The following XRN2 variants were observed in gnomAD, a reference collection of about 807,000 sequenced individuals.
XRN2 encodes DHM1-like protein.
In XRN2, 44 loss-of-function variants were observed where a neutral mutation model predicts 138.5. The observed-to-expected ratio is 0.32, with a 90% CI of 0.25 to 0.41. The LOEUF (loss-of-function observed/expected upper bound fraction) is 0.41, where lower values mean the gene tolerates loss of function less well. Among genes scored for constraint, XRN2 ranks in the 10% least tolerant of loss-of-function variants. The pLI is 1.00. For missense variants in XRN2, 937 were observed against 1,169.3 expected, an observed-to-expected ratio of 0.80 and a Z score of 2.90; for synonymous variants, 354 against 369.4, an observed-to-expected ratio of 0.96 and a Z score of 0.48.
chr20:21,337,719 G>T (rs2038315187), intron 13 of XRN2, among the ~76,000 whole-genome samples: 1 of 152,166 alleles, frequency 6.6e-6, no homozygotes, highest in South Asian at 2.1e-4. Context: ...CATCACCAAG[G>T]TTTGATTTTT....
At chr20:21,360,643 T>G in intron 24 of XRN2, among the ~76,000 whole-genome samples, 1 of 152,182 alleles carries the variant, frequency 6.6e-6, no homozygotes, top group Non-Finnish European at 1.5e-5. Context: ...TATAGAATGT[T>G]TTATTCCTTC....
chr20:21,335,654 T>G (rs1442928756), intron 13 of XRN2, among the ~76,000 whole-genome samples: 1 of 152,230 alleles, frequency 6.6e-6, no homozygotes, highest in African/African-American at 2.4e-5. Flanking sequence ...GGAACATTTT[T>G]AACTACTTTT....
chr20:21,360,891 C>CT (rs1343876771), intron 24 of XRN2, among the ~76,000 whole-genome samples: 2 of 152,154 alleles, frequency 1.3e-5, no homozygotes, highest in African/African-American at 4.8e-5. Context: ...CCTATAAACT[C>CT]TTTAAGTGTT....
chr20:21,313,647 C>T (rs529509228), intron 1 of XRN2, among the ~76,000 whole-genome samples: 1 of 152,256 alleles, frequency 6.6e-6, no homozygotes. Context: ...GTTTATGTGT[C>T]CAAGTAAAGG....
chr20:21,322,842 C>T (rs545748227), intron 1 of XRN2, among the ~76,000 whole-genome samples: 3 of 152,296 alleles, frequency 2.0e-5, no homozygotes, highest in East Asian at 3.9e-4. Context: ...CATGAAGTCA[C>T]GAAGGAGCAG....
chr20:21,320,350 A>G (rs2038022188), intron 1 of XRN2, among the ~76,000 whole-genome samples: 1 of 151,552 alleles, frequency 6.6e-6, no homozygotes, highest in South Asian at 2.1e-4. Context: ...CCCAGGCTGG[A>G]GTGCAGTGGC....
chr20:21,313,695 G>A (rs1378823343), intron 1 of XRN2, among the ~76,000 whole-genome samples: 2 of 152,176 alleles, frequency 1.3e-5, no homozygotes, highest in Admixed American at 6.5e-5. Flanking sequence ...GTAATACTGC[G>A]TTGTAGTGTA....
rs1442460563 is a variant in XRN2, at chr20:21,346,544, T to C, written c.1659T>C (p.Tyr553=). The C allele has an allele frequency of 6.2e-7, 1 of 1,613,390 alleles. No homozygotes were observed. Among genetic ancestry groups the C allele is most frequent in the Middle Eastern group, 1.7e-4 (1 of 6,058 alleles). The change falls in exon 17 of 30, where the codon TAT becomes TAC. Residue 553 remains tyrosine (Y), a synonymous_variant. Transcript: ENST00000377191. ...VEGLCWVLRY[Y]YQGCASWKWY... ...GACTTTGCTGGGTTCTTAGATATTATTACCAGGTACAAAAAGAATATTTTC... is the reference window on the plus strand; with the variant it reads ...GACTTTGCTGGGTTCTTAGATATTACTACCAGGTACAAAAAGAATATTTTC...
At chr20:21,376,224 A>G (rs993148534) in intron 27 of XRN2, among the ~76,000 whole-genome samples, 2 of 151,634 alleles carry the variant, frequency 1.3e-5, no homozygotes, top group Non-Finnish European at 2.9e-5. Context: ...GCGTGGTGGT[A>G]TGTGCCTGTA....
chr20:21,373,832 C>T (rs1421550062), intron 27 of XRN2, among the ~76,000 whole-genome samples: 1 of 151,944 alleles, frequency 6.6e-6, no homozygotes, highest in Non-Finnish European at 1.5e-5. Flanking sequence ...GGTTGTCTAT[C>T]TTTTTGTTTT....
At chr20:21,311,248 A>C (rs2037877636) in intron 1 of XRN2, among the ~76,000 whole-genome samples, 2 of 152,228 alleles carry the variant, frequency 1.3e-5, no homozygotes, top group Admixed American at 1.3e-4. Flanking sequence ...CTACCTGTTA[A>C]ACAGTAACTC....
intron 24 of XRN2, among the ~76,000 whole-genome samples, chr20:21,359,633 G>A (rs1425767141): frequency 6.6e-6 from 1 of 152,096 alleles, no homozygotes; most frequent in African/African-American, 2.4e-5. Flanking sequence ...ATTTGCTGAA[G>A]ATTTGTGGGA....
At position 21,333,787 on chromosome 20, in the gene XRN2, C is replaced by T. The variant is rs749426899; in HGVS notation, c.1017C>T (p.Cys339=). 6.2e-7 allele frequency: 1 copy of T among 1,614,100 alleles called. No individual in the cohort carries two copies. The highest frequency in any genetic ancestry group is 1.1e-5 in the South Asian group (1 of 91,078). The change falls in exon 11 of 30, where the codon TGC becomes TGT. Residue 339 remains cysteine, a synonymous_variant. Coordinates refer to ENST00000377191, the MANE Select transcript of XRN2 (RefSeq NM_012255.5). Reference sequence around the variant, plus strand: ...GCATTGATGACTGGGTTTTCATGTGCTTCTTTGTGGGAAATGACTTCCTCC... The same window carrying T: ...GCATTGATGACTGGGTTTTCATGTGTTTCTTTGTGGGAAATGACTTCCTCC... ...ERSIDDWVFM[C]FFVGNDFLPH...
chr20:21,373,394 C>G (rs1469927118), intron 27 of XRN2, among the ~76,000 whole-genome samples: 1 of 152,180 alleles, frequency 6.6e-6, no homozygotes, highest in Non-Finnish European at 1.5e-5. Flanking sequence ...GGGTTGGTTT[C>G]TGGTTTGAGG....
intron 13 of XRN2, among the ~76,000 whole-genome samples, chr20:21,337,834 C>G (rs1163703134): frequency 6.6e-6 from 1 of 152,072 alleles, no homozygotes; most frequent in East Asian, 1.9e-4. Flanking sequence ...AGTGTAGCCT[C>G]CTGGAAGCCA....
intron 13 of XRN2, among the ~76,000 whole-genome samples, chr20:21,335,155 C>T (rs1284414307): frequency 2.0e-5 from 3 of 152,130 alleles, no homozygotes; most frequent in African/African-American, 7.2e-5. Flanking sequence ...ACAGGCACTT[C>T]GTCCGTGGAC....
At chr20:21,326,018 C>T (rs1381396813) in intron 1 of XRN2, among the ~76,000 whole-genome samples, 1 of 152,194 alleles carries the variant, frequency 6.6e-6, no homozygotes, top group Non-Finnish European at 1.5e-5. Flanking sequence ...TGATTTCTCA[C>T]TTGAACAACC....
chr20:21,386,211 G>A (rs568967003), intron 28 of XRN2, among the ~76,000 whole-genome samples: 10 of 152,222 alleles, frequency 6.6e-5, no homozygotes, highest in Admixed American at 5.9e-4. Flanking sequence ...CGTTGAATCT[G>A]TGTTCCCATG....
At chr20:21,339,724 C>G (rs2038347011) in intron 14 of XRN2, among the ~76,000 whole-genome samples, 1 of 152,192 alleles carries the variant, frequency 6.6e-6, no homozygotes, top group Non-Finnish European at 1.5e-5. Context: ...GCTCATAGTA[C>G]AGGTTGAGCA....
Sources: allele counts gnomAD v4.1 joint callset (sites outside exome capture counted in the v4.1 genomes callset), GRCh38; gene constraint gnomAD v4.1.1; transcripts MANE v1.5; gene names NCBI Gene and HGNC (gene_info 2026-07-23, HGNC 2026-07-21).